Variants in ANKS1A observed in about 807,000 individuals in gnomAD.
ANKS1A encodes ankyrin repeat and sterile alpha motif domain containing 1A.
In ANKS1A, 55 loss-of-function variants were observed where a neutral mutation model predicts 120.3. That is an observed-to-expected ratio of 0.46 (90% CI 0.37 to 0.57). The LOEUF is 0.57. Ranked by LOEUF, ANKS1A falls within the 20% of genes least tolerant of loss-of-function variation. The pLI is 0.00. For synonymous variants in ANKS1A, 590 were observed against 604.7 expected (o/e 0.98, Z 0.36); for missense variants, 1,123 against 1,480.3 (o/e 0.76, Z 3.96).
chr6:34,955,848 C>G (rs1468211924), intron 1 of ANKS1A, among the ~76,000 whole-genome samples: 1 of 152,168 alleles, frequency 6.6e-6, no homozygotes, highest in Non-Finnish European at 1.5e-5. Flanking sequence ...TTATGGCTTT[C>G]AGAGGTGCTA....
rs1778213916 is a variant in ANKS1A at position 35,090,022 on chromosome 6, A to G, written c.*1413A>G. On this transcript the variant is annotated 3_prime_UTR_variant, in exon 24 of 24. Coordinates refer to ENST00000360359, the MANE Select transcript of ANKS1A (RefSeq NM_015245.3). Reference sequence around the variant, plus strand: ...GTACTGTTAGGCACATTCTTAACCCATGTGGTTGGCCAGAAATCAGAAGTG... The same window carrying G: ...GTACTGTTAGGCACATTCTTAACCCGTGTGGTTGGCCAGAAATCAGAAGTG... 3 of 1,225,232 alleles carry G rather than the reference A, an allele frequency of 2.4e-6. No individual in the cohort carries two copies. Among genetic ancestry groups the G allele is most frequent in the Non-Finnish European group, 3.1e-6 (3 of 957,040 alleles). 75.9% of individuals were successfully genotyped at this position (1,225,232 alleles called of 1,614,324 possible). A position where few individuals can be genotyped will look rare whatever the true frequency, so the allele number is the denominator to read the frequency against.
intron 1 of ANKS1A, among the ~76,000 whole-genome samples, chr6:34,945,491 T>C (rs1769745196): frequency 6.6e-6 from 1 of 152,226 alleles, no homozygotes; most frequent in Non-Finnish European, 1.5e-5. Flanking sequence ...GACCATCTTA[T>C]CTCCACTGAA....
intron 1 of ANKS1A, among the ~76,000 whole-genome samples, chr6:34,909,453 C>G (rs1444818899): frequency 1.3e-5 from 2 of 152,176 alleles, no homozygotes; most frequent in Non-Finnish European, 2.9e-5. Flanking sequence ...CAAAGAACAT[C>G]AGTTAACACC....
At chr6:35,046,056 C>A (rs894174400) in intron 11 of ANKS1A, among the ~76,000 whole-genome samples, 9 of 152,178 alleles carry the variant, frequency 5.9e-5, no homozygotes, top group Admixed American at 2.0e-4. Context: ...ACAGAGGATA[C>A]AAACATATTC....
chr6:34,958,784 C>A (rs1476951423), intron 1 of ANKS1A, among the ~76,000 whole-genome samples: 1 of 152,212 alleles, frequency 6.6e-6, no homozygotes, highest in Non-Finnish European at 1.5e-5. Context: ...CTCTTCGTTT[C>A]TGCCTGGCTG....
chr6:34,986,003 C>T (rs997797569), intron 8 of ANKS1A, among the ~76,000 whole-genome samples: 4 of 152,160 alleles, frequency 2.6e-5, no homozygotes, highest in African/African-American at 9.7e-5. Context: ...AGGCAATACA[C>T]CTAACCTACC....
At chr6:35,024,899 C>G (rs996103356) in intron 11 of ANKS1A, among the ~76,000 whole-genome samples, 3 of 152,168 alleles carry the variant, frequency 2.0e-5, no homozygotes, top group Non-Finnish European at 2.9e-5. Context: ...ATTTCCCACG[C>G]CATATTCTGC....
chr6:35,089,008 G>C lies in ANKS1A; in HGVS notation c.*399G>C. On this transcript the variant is annotated 3_prime_UTR_variant, in exon 24 of 24. Coordinates refer to ENST00000360359, the MANE Select transcript of ANKS1A (RefSeq NM_015245.3). ...CAGGGGAGCTGAGGTTGGTTCAGAG[G>C]CCAGCCTGCATAGCCTCTGTCCTCA... 2 of 1,156,710 alleles carry C rather than the reference G, an allele frequency of 1.7e-6. No individual in the cohort carries two copies. The highest frequency in any genetic ancestry group is 2.2e-6 in the Non-Finnish European group (2 of 929,750). The allele number at this position is 1,156,710 out of a possible 1,614,324, so 71.7% of individuals were successfully genotyped here.
At chr6:35,065,814 C>T (rs889683228) in intron 13 of ANKS1A, among the ~76,000 whole-genome samples, 19 of 152,236 alleles carry the variant, frequency 1.2e-4, no homozygotes, top group Non-Finnish European at 2.9e-5. Flanking sequence ...AAGGAGCTGG[C>T]AAGGAATGAG....
downstream of ANKS1A, among the ~76,000 whole-genome samples, chr6:35,096,210 T>G (rs892829407): frequency 6.6e-6 from 1 of 152,214 alleles, no homozygotes; most frequent in African/African-American, 2.4e-5. Context: ...AGACTCCCTC[T>G]CTTTGGTGAG....
At chr6:35,088,554 G>C (rs1046162752) in intron 23 of ANKS1A, 52 bp from the exon 24 acceptor site, 2 of 1,607,476 alleles carry the variant, frequency 1.2e-6, no homozygotes, top group African/African-American at 1.3e-5. Flanking sequence ...TCCACCGTCC[G>C]CAGGCCCCAT....
intron 7 of ANKS1A, 25 bp from the exon 8 acceptor site, chr6:34,985,057 C>G: frequency 6.2e-7 from 1 of 1,601,344 alleles, no homozygotes; most frequent in Non-Finnish European, 8.5e-7. Flanking sequence ...TTCAGTGACT[C>G]TCTTGCCCTC....
At chr6:35,065,281 C>T (rs1175298080) in intron 13 of ANKS1A, among the ~76,000 whole-genome samples, 1 of 152,210 alleles carries the variant, frequency 6.6e-6, no homozygotes, top group Non-Finnish European at 1.5e-5. Context: ...CAGGAGCCCT[C>T]CTCTGACTGC....
intron 11 of ANKS1A, among the ~76,000 whole-genome samples, chr6:35,047,867 C>T (rs1238802864): frequency 6.6e-6 from 1 of 152,226 alleles, no homozygotes; most frequent in African/African-American, 2.4e-5. Flanking sequence ...CCATGTATTT[C>T]CTCCCGGTCA....
chr6:34,979,668 T>A (rs888787842), intron 3 of ANKS1A, among the ~76,000 whole-genome samples: 1 of 152,138 alleles, frequency 6.6e-6, no homozygotes, highest in African/African-American at 2.4e-5. Context: ...TTTTATAAAA[T>A]CAAGGACAAT....
chr6:34,891,420 T>G (rs2127438252), intron 1 of ANKS1A, among the ~76,000 whole-genome samples: 1 of 152,330 alleles, frequency 6.6e-6, no homozygotes, highest in African/African-American at 2.4e-5. Flanking sequence ...AGTGAATGCA[T>G]GAATTGGGTT....
the ANKS1A span, among the ~76,000 whole-genome samples, chr6:35,097,888 C>G: frequency 6.6e-6 from 1 of 152,164 alleles, no homozygotes; most frequent in African/African-American, 2.4e-5. Context: ...AAAAGCTAAA[C>G]TGTTTACGAA....
At chr6:35,033,343 T>C (rs1774996110) in intron 11 of ANKS1A, among the ~76,000 whole-genome samples, 1 of 152,244 alleles carries the variant, frequency 6.6e-6, no homozygotes, top group African/African-American at 2.4e-5. Flanking sequence ...TGGGTTCATG[T>C]GCTTACAGCC....
intron 3 of ANKS1A, among the ~76,000 whole-genome samples, chr6:34,976,649 C>T (rs1442850732): frequency 6.6e-6 from 1 of 151,822 alleles, no homozygotes; most frequent in Non-Finnish European, 1.5e-5. Context: ...TTCTAAAAAA[C>T]TTTTTATTAA....
Sources: gnomAD v4.1 joint callset for allele counts (sites outside exome capture counted in the v4.1 genomes callset) on GRCh38, gnomAD v4.1.1 for gene constraint, MANE v1.5 for transcripts, NCBI Gene and HGNC (gene_info 2026-07-23, HGNC 2026-07-21) for gene names.